ZNF343: variants seen among roughly 807,000 people sequenced by gnomAD.
ZNF343 encodes zinc finger protein 343.
ZNF343 carries 11 observed loss-of-function variants against 13.8 expected under a neutral mutation model. That is an observed-to-expected ratio of 0.80 (90% CI 0.50 to 1.32). The LOEUF (loss-of-function observed/expected upper bound fraction) is 1.32. Ranked by LOEUF, ZNF343 falls within the 40% of genes most tolerant of loss-of-function variation. The pLI, the probability that ZNF343 is intolerant of heterozygous loss-of-function variation, is 0.00. For synonymous variants in ZNF343, 248 were observed against 260.0 expected (o/e 0.95, Z 0.44); for missense variants, 658 against 714.2 (o/e 0.92, Z 0.90).
upstream of ZNF343, among the ~76,000 whole-genome samples, chr20:2,511,088 A>G (rs972548372): frequency 6.6e-6 from 1 of 151,302 alleles, no homozygotes; most frequent in African/African-American, 2.4e-5. Flanking sequence ...AGACTGGGGG[A>G]ATCCATTTCT....
chr20:2,493,058 T>A, intron 4 of ZNF343: 1 of 543,826 alleles, frequency 1.8e-6, no homozygotes, highest in Non-Finnish European at 3.2e-6. Flanking sequence ...ACATATATGA[T>A]TTCACCGGAG....
At chr20:2,514,260 A>G (rs1045389682) in intron 1 of ZNF343, among the ~76,000 whole-genome samples, 5 of 152,242 alleles carry the variant, frequency 3.3e-5, no homozygotes, top group Non-Finnish European at 5.9e-5. Flanking sequence ...GAATGAATTG[A>G]GATAAATATC....
At chr20:2,519,448 C>A (rs2085773541) in intron 1 of ZNF343, among the ~76,000 whole-genome samples, 1 of 152,178 alleles carries the variant, frequency 6.6e-6, no homozygotes, top group Admixed American at 6.5e-5. Flanking sequence ...ACAAAAAGAC[C>A]AGCCTCCTTG....
At position 2,492,697 on chromosome 20, in the gene ZNF343, AC is replaced by A; in HGVS notation, c.304+1del. On this transcript the variant is annotated splice_donor_variant, in intron 5 of 5. Transcript: ENST00000278772. LOFTEE classifies it high-confidence loss of function. ...GAAGGAAAGGAAAGAACACAGCCTTACCCAATGAGAGAAGATTCCTGTAATT... is the reference window on the plus strand; with the variant it reads ...GAAGGAAAGGAAAGAACACAGCCTTACCAATGAGAGAAGATTCCTGTAATT... 6.2e-7 allele frequency: 1 copy of A among 1,611,218 alleles called. No individual in the cohort carries two copies. The highest frequency in any genetic ancestry group is 8.5e-7 in the Non-Finnish European group (1 of 1,179,264).
chr20:2,516,624 C>T (rs1457002868), intron 1 of ZNF343, among the ~76,000 whole-genome samples: 1 of 151,668 alleles, frequency 6.6e-6, no homozygotes, highest in Non-Finnish European at 1.5e-5. Flanking sequence ...TCTGGTTTAG[C>T]GTCAAGGGCA....
intron 1 of ZNF343, among the ~76,000 whole-genome samples, chr20:2,503,425 C>A (rs1190012740): frequency 6.6e-6 from 1 of 152,114 alleles, no homozygotes; most frequent in Non-Finnish European, 1.5e-5. Context: ...ACAAGGATAT[C>A]CAGGAATTGA....
Position 2,485,894 on chromosome 20 carries a change from T to C in ZNF343, c.305-1238A>G, listed in dbSNP as rs557740561. Among the ~76,000 whole-genome samples the C allele has an allele frequency of 1.3e-3, 202 of 152,346 alleles. 1 individual carries two copies. Among genetic ancestry groups the C allele is most frequent in the Non-Finnish European group, 2.5e-3 (171 of 68,028 alleles). On this transcript the variant is annotated intron_variant, in intron 5 of 5. Transcript: ENST00000278772. ...TGCCATGGGTGAGGCTCTCAGCAGC[T>C]GTCAGGCTCTGCTTGCTGTCACTGA...
At chr20:2,514,831 T>C (rs952843597) in intron 1 of ZNF343, among the ~76,000 whole-genome samples, 6 of 151,906 alleles carry the variant, frequency 3.9e-5, no homozygotes, top group African/African-American at 1.5e-4. Flanking sequence ...AGAATATTAA[T>C]ACAAAAATTT....
In ZNF343 at chr20:2,483,496, CT is replaced by C; in HGVS notation, c.1464del (p.Glu490ArgfsTer121). ...TCCCTGCAGACATAATGCTTCTCCC[CT>C]GAGTGTGTCCTCTGGTGGACAAGGA... ...SLLLVHQRTHSGEKHYVCREC... is the reference protein window; with the variant it reads ...SLLLVHQRTHXGEKHYVCREC... On this transcript the variant is annotated frameshift_variant, in exon 6 of 6. Coordinates refer to ENST00000278772, the MANE Select transcript of ZNF343 (RefSeq NM_024325.6). LOFTEE classifies it low-confidence loss of function (END_TRUNC). The C allele has an allele frequency of 6.2e-7, 1 of 1,612,736 alleles. No individual in the cohort carries two copies. Among genetic ancestry groups the C allele is most frequent in the East Asian group, 2.2e-5 (1 of 44,828 alleles).
upstream of ZNF343, among the ~76,000 whole-genome samples, chr20:2,512,971 G>C (rs901220334): frequency 1.3e-5 from 2 of 151,332 alleles, no homozygotes; most frequent in African/African-American, 4.9e-5. Flanking sequence ...GTGGTGGCAG[G>C]CATCTGTAGT....
At position 2,493,597 on chromosome 20, in the gene ZNF343, C is replaced by T. The variant is rs761238835; in HGVS notation, c.119-20G>A. ...GCAAGCCTAGGGAAAGAAAAAGAAG[C>T]TATGAGAAACCAGACCCCCCCACCC... is the stretch of plus-strand genomic sequence containing the variant. On this transcript the variant is annotated intron_variant, in intron 3 of 5. Transcript: ENST00000278772. 2.5e-6 allele frequency: 4 copies of T among 1,607,572 alleles called. No homozygotes were observed. The Admixed American group carries it at 6.7e-5, about 27-fold the overall frequency.
At chr20:2,493,650 G>A in intron 3 of ZNF343, 73 bp from the exon 4 acceptor site, 4 of 1,319,254 alleles carry the variant, frequency 3.0e-6, no homozygotes, top group Admixed American at 3.9e-5. Flanking sequence ...CGCTCCCTGA[G>A]CAGCTCTTCT....
At chr20:2,492,595 T>TACA in intron 5 of ZNF343, 104 bp downstream of exon 5, 2 of 1,401,830 alleles carry the variant, frequency 1.4e-6, no homozygotes, top group South Asian at 2.6e-5. Context: ...CGATTTTGTT[T>TACA]ACTAATGTGT....
At position 2,482,480 on chromosome 20, in the gene ZNF343, C is replaced by G. The variant is rs934196169; in HGVS notation, c.*681G>C. The G allele has an allele frequency of 6.6e-6, 1 of 152,362 alleles. No individual in the cohort carries two copies. Among genetic ancestry groups the G allele is most frequent in the Non-Finnish European group, 1.5e-5 (1 of 68,276 alleles). The allele number at this position is 152,362 out of a possible 1,614,324, so 9.4% of individuals were successfully genotyped here. On this transcript the variant is annotated 3_prime_UTR_variant, in exon 6 of 6. Coordinates refer to ENST00000278772, the MANE Select transcript of ZNF343 (RefSeq NM_024325.6). ...TCTGGAATGACCTTCTGGAGTTGTC[C>G]CCGTTGAGTCAAGGGTTGGGGCCAG...
At chr20:2,513,371 T>A (rs1484678028), upstream of ZNF343, among the ~76,000 whole-genome samples, 1 of 152,204 alleles carries the variant, frequency 6.6e-6, no homozygotes, top group African/African-American at 2.4e-5. Flanking sequence ...AAAAAATGCT[T>A]ACTGTCACTA....
Position 2,482,787 on chromosome 20 carries a change from A to G in ZNF343, c.*374T>C. The G allele has an allele frequency of 4.5e-6, 1 of 224,204 alleles. No individual in the cohort carries two copies. The highest frequency in any genetic ancestry group is 8.9e-6 in the Non-Finnish European group (1 of 112,842). 13.9% of individuals were successfully genotyped at this position (224,204 alleles called of 1,614,324 possible). The stretch of plus-strand genomic sequence containing the variant: ...AGGGCCACTCTGTGCCTGAGTGTCC[A>G]TTCTTTTACTGATGCTCCCCAACAC... On this transcript the variant is annotated 3_prime_UTR_variant, in exon 6 of 6. Transcript: ENST00000278772.
Position 2,508,134 on chromosome 20 carries a change from T to C in ZNF343, c.-237+747A>G, listed in dbSNP as rs1236647700. Among the ~76,000 whole-genome samples the C allele has an allele frequency of 6.6e-6, 1 of 152,040 alleles. No individual in the cohort carries two copies. The highest frequency in any genetic ancestry group is 2.4e-5 in the African/African-American group (1 of 41,396). ...CCTGCCCCCATTCAAAAGAGCTGCC[T>C]AGATGCCTGTCAGAGTGATACAGCC... On this transcript the variant is annotated intron_variant, in intron 1 of 5. Coordinates refer to ENST00000278772, the MANE Select transcript of ZNF343 (RefSeq NM_024325.6). This position sits in a 1 kb window ranked among gnomAD's most constrained non-coding sequence, Gnocchi z 4.5.
At chr20:2,487,627 A>G (rs1335768516) in intron 5 of ZNF343, among the ~76,000 whole-genome samples, 1 of 152,246 alleles carries the variant, frequency 6.6e-6, no homozygotes, top group East Asian at 1.9e-4. Flanking sequence ...CAATGCTACA[A>G]TGAATAACCC....
intron 1 of ZNF343, among the ~76,000 whole-genome samples, chr20:2,521,915 G>A (rs941729460): frequency 2.0e-5 from 3 of 152,202 alleles, no homozygotes; most frequent in African/African-American, 7.2e-5. Context: ...AGGGAAGCAG[G>A]ACACTTTGAA....
Sources: allele counts gnomAD v4.1 joint callset (sites outside exome capture counted in the v4.1 genomes callset), GRCh38; gene constraint gnomAD v4.1.1; non-coding constraint Gnocchi (gnomAD v3.1); transcripts MANE v1.5; gene names NCBI Gene and HGNC (gene_info 2026-07-23, HGNC 2026-07-21).